Variants in ABRAXAS2 observed in about 807,000 individuals in gnomAD.
The protein encoded by ABRAXAS2 is abraxas 2, BRISC complex subunit, also known as BRISC complex subunit Abraxas 2.
A neutral mutation model predicts 49.0 loss-of-function variants in ABRAXAS2; 23 were observed. That is an observed-to-expected ratio of 0.47 (90% confidence interval 0.34 to 0.66). The LOEUF (loss-of-function observed/expected upper bound fraction) is 0.66, where lower values mean the gene tolerates loss of function less well. Ranked by LOEUF, ABRAXAS2 falls within the 30% of genes least tolerant of loss-of-function variation. The pLI, the probability that ABRAXAS2 is intolerant of heterozygous loss-of-function variation, is 0.01. For synonymous variants in ABRAXAS2, 168 were observed against 180.2 expected (o/e 0.93, Z 0.54); for missense variants, 443 against 511.9 (o/e 0.87, Z 1.30).
intron 3 of ABRAXAS2, among the ~76,000 whole-genome samples, chr10:124,817,697 C>A (rs928546231): frequency 1.3e-5 from 2 of 152,248 alleles, no homozygotes; most frequent in Non-Finnish European, 1.5e-5. Context: ...GGCCCAAACA[C>A]CTGGCCCCCT....
At chr10:124,834,479 G>T in intron 8 of ABRAXAS2, 23 bp from the exon 9 acceptor site, 1 of 1,589,630 alleles carries the variant, frequency 6.3e-7, no homozygotes, top group Non-Finnish European at 8.6e-7. Flanking sequence ...GAAAGTGTTA[G>T]AATATTCTTT....
intron 3 of ABRAXAS2, among the ~76,000 whole-genome samples, chr10:124,817,652 C>T (rs745944796): frequency 3.3e-5 from 5 of 152,114 alleles, no homozygotes; most frequent in Admixed American, 1.3e-4. Context: ...CTGTTCCCTG[C>T]AGTTTTCACC....
At chr10:124,829,667 C>T (rs906372298) in intron 7 of ABRAXAS2, among the ~76,000 whole-genome samples, 190 bp downstream of exon 7, 1 of 152,204 alleles carries the variant, frequency 6.6e-6, no homozygotes, top group Non-Finnish European at 1.5e-5. Flanking sequence ...GGCTCACTCA[C>T]TCTGTGCCTG....
intron 4 of ABRAXAS2, among the ~76,000 whole-genome samples, chr10:124,819,814 G>A (rs1314582492): frequency 6.6e-6 from 1 of 151,674 alleles, no homozygotes; most frequent in African/African-American, 2.4e-5. Flanking sequence ...TTGAACACAG[G>A]TGTTTTTCCA....
chr10:124,819,816 GT>G (rs1950850416), intron 4 of ABRAXAS2, among the ~76,000 whole-genome samples: 2 of 151,508 alleles, frequency 1.3e-5, no homozygotes, highest in South Asian at 4.2e-4. Context: ...GAACACAGGT[GT>G]TTTTCCAAAA....
intron 2 of ABRAXAS2, among the ~76,000 whole-genome samples, chr10:124,807,312 CAAAAAAA>C (rs764661303): frequency 1.5e-4 from 5 of 34,040 alleles, no homozygotes; most frequent in East Asian, 1.7e-3. Flanking sequence ...GACTCTGTCT[CAAAAAAA>C]AAAAAAAAAA....
chr10:124,834,692 T>C lies in ABRAXAS2; in HGVS notation c.969T>C (p.Ser323=). ...ATCAAGAAAGTACTTTGAGCCACTC[T>C]CGCATGGAAAGGAGTGTCTTTATGC... ...PNNQESTLSH[S]RMERSVFMPR... is the part of the protein sequence containing the mutation. Residue 323 remains serine (S), a synonymous_variant, in exon 9 of 9, where the codon TCT becomes TCC. Transcript: ENST00000298492. The C allele has an allele frequency of 6.2e-7, 1 of 1,614,174 alleles. No homozygotes were observed. The highest frequency in any genetic ancestry group is 8.5e-7 in the Non-Finnish European group (1 of 1,180,032).
intron 5 of ABRAXAS2, 56 bp from the exon 6 acceptor site, chr10:124,828,700 A>C: frequency 6.5e-7 from 1 of 1,545,324 alleles, no homozygotes. Context: ...TGTCAGTCTC[A>C]CTTGAATATG....
rs1217921360 is a variant in ABRAXAS2 at position 124,807,347 on chromosome 10, G to A, written c.163+426G>A. Among the ~76,000 whole-genome samples the A allele has an allele frequency of 4.3e-5, 6 of 140,502 alleles. No individual in the cohort carries two copies. In the Admixed American group the frequency reaches 4.3e-4, roughly 10 times the overall value. The allele number at this position is 140,502 out of a possible 152,430, so 92.2% of individuals were successfully genotyped here. ...AAAAAAAAAAAAAAGAATTCAAAGA[G>A]TATGTAGAAAAAAACGAAAATAAGG... On this transcript the variant is annotated intron_variant, in intron 2 of 8. Transcript: ENST00000298492.
Position 124,835,111 on chromosome 10 carries a change from G to A in ABRAXAS2, c.*140G>A. 1 of 630,678 alleles carries A rather than the reference G, an allele frequency of 1.6e-6. No homozygotes were observed. The highest frequency in any genetic ancestry group is 3.2e-5 in the Admixed American group (1 of 30,924). The allele number at this position is 630,678 out of a possible 1,614,324, so 39.1% of individuals were successfully genotyped here. A position where few individuals can be genotyped will look rare whatever the true frequency, so the allele number is the denominator to read the frequency against. Reference sequence around the variant, plus strand: ...AAGAGAGTCCTTGTGCACAGAACTTGTGGGAGCCTCCATCCGCTGCTCTTT... The same window carrying A: ...AAGAGAGTCCTTGTGCACAGAACTTATGGGAGCCTCCATCCGCTGCTCTTT... On this transcript the variant is annotated 3_prime_UTR_variant, in exon 9 of 9. Transcript: ENST00000298492.
In ABRAXAS2 at chr10:124,816,103, A is replaced by G. The variant is rs181074560; in HGVS notation, c.164-473A>G. ...TTTTTAGTAGAGACGGGGTTTCACC[A>G]TGTTGGCCAGACTGGTCTTGAACTC... is the stretch of plus-strand genomic sequence containing the variant. On this transcript the variant is annotated intron_variant, in intron 2 of 8. Coordinates refer to ENST00000298492, the MANE Select transcript of ABRAXAS2 (RefSeq NM_032182.4). 7.0e-3 allele frequency among the ~76,000 whole-genome samples: 1,065 copies of G among 151,892 alleles called. 21 individuals are homozygous for G. The highest frequency in any genetic ancestry group is 0.024 in the African/African-American group (1,014 of 41,406).
Position 124,834,741 on chromosome 10 carries a change from TC to T in ABRAXAS2, c.1020del (p.Asn341IlefsTer9). 6.2e-7 allele frequency: 1 copy of T among 1,614,116 alleles called. No homozygotes were observed. The highest frequency in any genetic ancestry group is 8.5e-7 in the Non-Finnish European group (1 of 1,180,012). ...GCCTCGACCTCAAGCTGTGGGCTCT[TC>T]CAATTATGCTTCCACCAGTGCCGGA... ...FMPRPQAVGS[S>X]NYASTSAGLK... On this transcript the variant is annotated frameshift_variant, in exon 9 of 9. Transcript: ENST00000298492. LOFTEE classifies it high-confidence loss of function.
intron 8 of ABRAXAS2, among the ~76,000 whole-genome samples, chr10:124,832,679 T>TA (rs1395437160): frequency 6.6e-6 from 1 of 151,640 alleles, no homozygotes; most frequent in Non-Finnish European, 1.5e-5. Flanking sequence ...ACCTCGTCTG[T>TA]ACTAAAAATA....
At chr10:124,814,541 A>G (rs1950811351) in intron 2 of ABRAXAS2, among the ~76,000 whole-genome samples, 1 of 148,894 alleles carries the variant, frequency 6.7e-6, no homozygotes. Context: ...TGTTTTCACC[A>G]TATTGGCCAG....
At chr10:124,808,885 C>T (rs1320396991) in intron 2 of ABRAXAS2, among the ~76,000 whole-genome samples, 1 of 152,110 alleles carries the variant, frequency 6.6e-6, no homozygotes, top group Non-Finnish European at 1.5e-5. Context: ...AATCCCAGCA[C>T]TTTGGGAGGC....
chr10:124,803,830 G>A (rs1288385991), intron 1 of ABRAXAS2, among the ~76,000 whole-genome samples: 2 of 152,170 alleles, frequency 1.3e-5, no homozygotes, highest in African/African-American at 2.4e-5. Context: ...GAACCCGGGA[G>A]GCAAAGGTTG....
chr10:124,807,609 T>A (rs994848206), intron 2 of ABRAXAS2, among the ~76,000 whole-genome samples: 1 of 152,172 alleles, frequency 6.6e-6, no homozygotes, highest in African/African-American at 2.4e-5. Context: ...GCCAAGATCT[T>A]GTCTCAAAAA....
At chr10:124,823,679 A>C (rs7097254) in intron 4 of ABRAXAS2, among the ~76,000 whole-genome samples, 94,681 of 152,106 alleles carry the variant, frequency 0.62, 30,751 homozygotes, top group Admixed American at 0.76. Flanking sequence ...CTGTGTGAAA[A>C]ATTGGCCGAG....
chr10:124,817,329 C>A (rs887379806), intron 3 of ABRAXAS2, among the ~76,000 whole-genome samples: 1 of 152,112 alleles, frequency 6.6e-6, no homozygotes, highest in African/African-American at 2.4e-5. Flanking sequence ...AAGGAGAAAG[C>A]ATACAACAGA....
Sources: gnomAD v4.1 joint callset for allele counts (sites outside exome capture counted in the v4.1 genomes callset) on GRCh38, gnomAD v4.1.1 for gene constraint, MANE v1.5 for transcripts, NCBI Gene and HGNC (gene_info 2026-07-23, HGNC 2026-07-21) for gene names.